ADGRB3: variants seen among roughly 807,000 people sequenced by gnomAD.
ADGRB3 encodes the protein adhesion G protein-coupled receptor B3.
In ADGRB3, 37 loss-of-function variants were observed where a neutral mutation model predicts 193.4. The observed-to-expected ratio is 0.19, with a 90% confidence interval of 0.15 to 0.25. The LOEUF (loss-of-function observed/expected upper bound fraction) is 0.25. ADGRB3 is among the 10% of genes least tolerant of loss of function. ADGRB3 has a pLI of 1.00. For missense variants in ADGRB3, 1,637 were observed against 1,852.9 expected, an observed-to-expected ratio of 0.88 and a Z score of 2.14; for synonymous variants, 690 against 644.2, an observed-to-expected ratio of 1.07 and a Z score of -1.08.
intron 3 of ADGRB3, among the ~76,000 whole-genome samples, chr6:68,829,809 C>T (rs1445412249): frequency 6.6e-6 from 1 of 151,990 alleles, no homozygotes. Context: ...AAATGACTAT[C>T]ATGTAACAGG....
At chr6:69,253,432 T>C (rs1431225765) in intron 20 of ADGRB3, among the ~76,000 whole-genome samples, 1 of 152,108 alleles carries the variant, frequency 6.6e-6, no homozygotes, top group Non-Finnish European at 1.5e-5. Flanking sequence ...TGATAACTTA[T>C]TAATCATCTA....
chr6:69,017,617 A>T (rs1407186188), intron 12 of ADGRB3, among the ~76,000 whole-genome samples: 1 of 151,882 alleles, frequency 6.6e-6, no homozygotes, highest in Non-Finnish European at 1.5e-5. Flanking sequence ...AATCACTTGG[A>T]CCATGGAGGC....
chr6:69,094,054 G>C (rs1282294699), intron 17 of ADGRB3, among the ~76,000 whole-genome samples: 1 of 152,168 alleles, frequency 6.6e-6, no homozygotes, highest in Non-Finnish European at 1.5e-5. Context: ...AGGAATCCAG[G>C]AAGGCAGACA....
intron 3 of ADGRB3, among the ~76,000 whole-genome samples, chr6:68,766,960 C>T (rs983793656): frequency 1.3e-5 from 2 of 151,956 alleles, no homozygotes; most frequent in Non-Finnish European, 2.9e-5. Flanking sequence ...TGTTATTACA[C>T]TCTTTTTTGG....
rs114620651 is a variant in ADGRB3 at position 69,199,287 on chromosome 6, T to C, written c.2481-34003T>C. ...AGTATTTTAGCTGAGAAGGAGTACTTACTGAGGTTAACCATGCAGACTCTA... is the reference window on the plus strand; with the variant it reads ...AGTATTTTAGCTGAGAAGGAGTACTCACTGAGGTTAACCATGCAGACTCTA... On this transcript the variant is annotated intron_variant, in intron 17 of 31. Transcript: ENST00000370598. Among the ~76,000 whole-genome samples the C allele has an allele frequency of 5.1e-3, 780 of 152,252 alleles. 7 individuals are homozygous for C. Among genetic ancestry groups the C allele is most frequent in the African/African-American group, 0.018 (745 of 41,568 alleles).
chr6:69,246,119 C>T (rs376856494), intron 20 of ADGRB3, among the ~76,000 whole-genome samples: 179 of 152,150 alleles, frequency 1.2e-3, no homozygotes, highest in African/African-American at 3.9e-3. Context: ...TAAGGAAATG[C>T]TGAAAACTAG....
intron 20 of ADGRB3, among the ~76,000 whole-genome samples, chr6:69,317,475 A>C (rs1030136033): frequency 3.3e-5 from 5 of 151,488 alleles, no homozygotes; most frequent in Admixed American, 1.3e-4. Flanking sequence ...TGTTGGCTAG[A>C]GAAGGAAACA....
chr6:69,183,430 G>T (rs968592078), intron 17 of ADGRB3, among the ~76,000 whole-genome samples: 2 of 151,930 alleles, frequency 1.3e-5, no homozygotes, highest in Non-Finnish European at 2.9e-5. Flanking sequence ...AAAATTATTG[G>T]AGTGCTTCAG....
chr6:68,862,217 A>G (rs1490473020), intron 3 of ADGRB3, among the ~76,000 whole-genome samples: 1 of 149,886 alleles, frequency 6.7e-6, no homozygotes, highest in Non-Finnish European at 1.5e-5. Flanking sequence ...GTCTTCACAA[A>G]CCTCCTCTTT....
At chr6:68,682,516 C>G (rs1300148580) in intron 3 of ADGRB3, among the ~76,000 whole-genome samples, 1 of 152,124 alleles carries the variant, frequency 6.6e-6, no homozygotes, top group Non-Finnish European at 1.5e-5. Flanking sequence ...TGTAGAAACT[C>G]ATATCTTACC....
chr6:69,130,618 T>C lies in ADGRB3; in HGVS notation c.2480+54580T>C, dbSNP rs142285492. Reference sequence around the variant, plus strand: ...TCCTTTTTTTTCCTCTGTTTCTTTATTTTGGATTAAAGCTTTTTTATTGTC... The same window carrying C: ...TCCTTTTTTTTCCTCTGTTTCTTTACTTTGGATTAAAGCTTTTTTATTGTC... On this transcript the variant is annotated intron_variant, in intron 17 of 31. Transcript: ENST00000370598. Among the ~76,000 whole-genome samples the C allele has an allele frequency of 5.9e-5, 9 of 151,538 alleles. 1 individual carries two copies. The highest frequency in any genetic ancestry group is 1.9e-4 in the African/African-American group (8 of 41,428).
intron 24 of ADGRB3, 89 bp from the exon 25 acceptor site, chr6:69,338,827 C>T (rs906280281): frequency 3.9e-6 from 4 of 1,032,336 alleles, no homozygotes; most frequent in East Asian, 2.4e-5. Context: ...TGCATGAAAT[C>T]GTATTTAAAA....
intron 3 of ADGRB3, among the ~76,000 whole-genome samples, chr6:68,893,222 A>G (rs1766128172): frequency 6.6e-6 from 1 of 152,098 alleles, no homozygotes; most frequent in Non-Finnish European, 1.5e-5. Flanking sequence ...AAAGACTATT[A>G]CCCAGAAAAT....
At chr6:68,976,161 G>C (rs1281346592) in intron 10 of ADGRB3, among the ~76,000 whole-genome samples, 5 of 152,072 alleles carry the variant, frequency 3.3e-5, no homozygotes, top group Non-Finnish European at 7.4e-5. Flanking sequence ...TGTTCTTACT[G>C]TCACTCAAAA....
chr6:69,353,376 C>T (rs924517465), intron 26 of ADGRB3, among the ~76,000 whole-genome samples: 3 of 152,104 alleles, frequency 2.0e-5, no homozygotes, highest in Non-Finnish European at 4.4e-5. Flanking sequence ...TGTTTTGTTT[C>T]CCTTTTGTTT....
intron 17 of ADGRB3, among the ~76,000 whole-genome samples, chr6:69,162,455 A>G (rs952029546): frequency 5.9e-5 from 9 of 152,122 alleles, no homozygotes; most frequent in African/African-American, 2.2e-4. Context: ...GACAGAGAGA[A>G]GCGCAGCCTG....
At chr6:68,670,816 G>A (rs1238701006) in intron 3 of ADGRB3, among the ~76,000 whole-genome samples, 1 of 151,898 alleles carries the variant, frequency 6.6e-6, no homozygotes, top group Non-Finnish European at 1.5e-5. Context: ...TATTTTGATA[G>A]GGATTTCATT....
intron 3 of ADGRB3, among the ~76,000 whole-genome samples, chr6:68,763,984 G>A (rs1185198282): frequency 6.6e-6 from 1 of 152,052 alleles, no homozygotes; most frequent in Non-Finnish European, 1.5e-5. Flanking sequence ...GAGACAGGAG[G>A]ATCACTTGAG....
intron 30 of ADGRB3, among the ~76,000 whole-genome samples, chr6:69,375,170 A>G (rs1769788449): frequency 6.6e-6 from 1 of 152,096 alleles, no homozygotes; most frequent in Non-Finnish European, 1.5e-5. Flanking sequence ...AAAGCTGCTA[A>G]GCTTTTTCTA....
Sources: allele counts gnomAD v4.1 joint callset (sites outside exome capture counted in the v4.1 genomes callset), GRCh38; gene constraint gnomAD v4.1.1; transcripts MANE v1.5; gene names NCBI Gene and HGNC (gene_info 2026-07-23, HGNC 2026-07-21).